Variants in UBAP2 observed in about 807,000 individuals in gnomAD.
The protein encoded by UBAP2 is ubiquitin-associated protein 2.
A neutral mutation model predicts 139.6 loss-of-function variants in UBAP2; 75 were observed. The ratio of observed to expected loss-of-function variants is 0.54; its 90% CI spans 0.45 to 0.65. The LOEUF (loss-of-function observed/expected upper bound fraction) is 0.65. Among genes scored for constraint, UBAP2 ranks in the 30% least tolerant of loss-of-function variants. The pLI is 0.00. For missense variants in UBAP2, 1,368 were observed against 1,369.6 expected, an observed-to-expected ratio of 1.00 and a Z score of 0.02; for synonymous variants, 526 against 526.2, an observed-to-expected ratio of 1.00 and a Z score of 0.01.
chr9:33,935,860 G>GACC lies in UBAP2; in HGVS notation c.1945_1947dup (p.Gly649dup). Reference sequence around the variant, plus strand: ...TTACTGTCTAGTGTCTGCTGACTTCGACCACCACCATGTCCATTCTATAAG... The same window carrying GACC: ...TTACTGTCTAGTGTCTGCTGACTTCGACCACCACCACCATGTCCATTCTATAAG... On this transcript the variant is annotated inframe_insertion, in exon 17 of 29. Transcript: ENST00000379238. 1 of 1,613,470 alleles carries GACC rather than the reference G, an allele frequency of 6.2e-7. No individual in the cohort carries two copies. Among genetic ancestry groups the GACC allele is most frequent in the Non-Finnish European group, 8.5e-7 (1 of 1,179,912 alleles).
intron 22 of UBAP2, 71 bp from the exon 23 acceptor site, chr9:33,924,355 TG>T (rs1404989054): frequency 1.4e-6 from 2 of 1,464,094 alleles, no homozygotes; most frequent in South Asian, 2.3e-5. Context: ...AACCAGCACA[TG>T]GAAGTGGTGA....
At chr9:33,997,904 A>G (rs1183654577) in intron 3 of UBAP2, 3 of 152,228 alleles carry the variant, frequency 2.0e-5, no homozygotes, top group East Asian at 1.9e-4. Flanking sequence ...AACAATTATT[A>G]GACGACATCT....
At chr9:33,988,693 T>C (rs866022448) in intron 5 of UBAP2, among the ~76,000 whole-genome samples, 11 of 152,220 alleles carry the variant, frequency 7.2e-5, no homozygotes, top group African/African-American at 2.4e-4. Flanking sequence ...CCCAGGTCAA[T>C]GCTGATACGA....
intron 10 of UBAP2, among the ~76,000 whole-genome samples, chr9:33,960,451 A>G (rs1826952559): frequency 6.6e-6 from 1 of 152,162 alleles, no homozygotes; most frequent in South Asian, 2.1e-4. Flanking sequence ...CTTTCTTCCA[A>G]GCACCAAAGT....
chr9:33,998,503 G>A (rs1197523919), intron 3 of UBAP2: 2 of 288,570 alleles, frequency 6.9e-6, no homozygotes, highest in African/African-American at 2.2e-5. Context: ...CACAGGTATC[G>A]GAAAACCTCA....
At chr9:34,031,952 C>G (rs1238607030) in intron 1 of UBAP2, among the ~76,000 whole-genome samples, 2 of 152,068 alleles carry the variant, frequency 1.3e-5, no homozygotes, top group Non-Finnish European at 2.9e-5. Flanking sequence ...GCCTGGGTAA[C>G]ATAGCAAGAC....
intron 8 of UBAP2, among the ~76,000 whole-genome samples, chr9:33,965,261 T>C (rs1205591571): frequency 6.6e-6 from 1 of 152,206 alleles, no homozygotes; most frequent in Non-Finnish European, 1.5e-5. Flanking sequence ...CTTCCATTTT[T>C]TCCCCCCATT....
intron 1 of UBAP2, among the ~76,000 whole-genome samples, chr9:34,040,846 A>G (rs1827007072): frequency 6.6e-6 from 1 of 152,242 alleles, no homozygotes; most frequent in South Asian, 2.1e-4. Context: ...GACAGATTTG[A>G]GAAAATAGTA....
Position 33,989,130 on chromosome 9 carries a change from T to C in UBAP2, c.289-4A>G, listed in dbSNP as rs1280427460. 5 of 1,603,876 alleles carry C rather than the reference T, an allele frequency of 3.1e-6. No individual in the cohort carries two copies. Among genetic ancestry groups the C allele is most frequent in the Non-Finnish European group, 2.5e-6 (3 of 1,177,096 alleles). ...ACCCTACAGTCTCCCATGAAGTCTA[T>C]CAGAGAGAACGGCTGTTAATCATTT... On this transcript the variant is annotated splice_region_variant and splice_polypyrimidine_tract_variant and intron_variant, in intron 4 of 28. Coordinates refer to ENST00000379238, the MANE Select transcript of UBAP2 (RefSeq NM_001370062.2).
chr9:33,930,412 GCTTAAATAAC>G (rs1013639992), intron 19 of UBAP2, among the ~76,000 whole-genome samples: 4 of 152,062 alleles, frequency 2.6e-5, no homozygotes, highest in African/African-American at 9.7e-5. Flanking sequence ...ATGGACGGCT[GCTTAAATAAC>G]CTTAAATAAC....
chr9:33,983,832 G>A (rs894543720), intron 6 of UBAP2, among the ~76,000 whole-genome samples: 9 of 152,164 alleles, frequency 5.9e-5, no homozygotes, highest in African/African-American at 1.9e-4. Context: ...TCAGCTTGTG[G>A]AAGACAGAAT....
intron 17 of UBAP2, 142 bp downstream of exon 17, chr9:33,935,697 G>A (rs751663636): frequency 2.2e-6 from 2 of 891,444 alleles, no homozygotes; most frequent in East Asian, 2.5e-5. Flanking sequence ...CCAACACCTG[G>A]TCCAAAAACA....
chr9:33,978,438 G>A (rs1230596312), intron 6 of UBAP2, among the ~76,000 whole-genome samples: 2 of 152,072 alleles, frequency 1.3e-5, no homozygotes, highest in Non-Finnish European at 2.9e-5. Flanking sequence ...CTTTGCACTT[G>A]TACTATATAG....
intron 1 of UBAP2, among the ~76,000 whole-genome samples, chr9:34,034,759 G>C (rs1587693779): frequency 6.6e-6 from 1 of 152,192 alleles, no homozygotes; most frequent in East Asian, 1.9e-4. Flanking sequence ...TATAGTCCCA[G>C]CTACTGGAGA....
In UBAP2 at chr9:33,922,563, G is replaced by C; in HGVS notation, c.3301C>G (p.Gln1101Glu). ...SGQRSQPSSLQPKSQASKPAY... is the reference protein window; with the variant it reads ...SGQRSQPSSLEPKSQASKPAY... ...GGTTTGGAGGCTTGAGACTTGGGCT[G>C]CAGGGAGCTGGGCTGGCTGCGCTGA... Residue 1101 changes from glutamine to glutamate, a missense_variant, in exon 29 of 29, where the codon CAG (glutamine) becomes GAG (glutamate). Coordinates refer to ENST00000379238, the MANE Select transcript of UBAP2 (RefSeq NM_001370062.2). 1 of 1,613,820 alleles carries C rather than the reference G, an allele frequency of 6.2e-7. No homozygotes were observed. Among genetic ancestry groups the C allele is most frequent in the Non-Finnish European group, 8.5e-7 (1 of 1,179,950 alleles).
chr9:34,010,427 T>TAAAAA (rs57695373), intron 2 of UBAP2, among the ~76,000 whole-genome samples: 19 of 108,264 alleles, frequency 1.8e-4, no homozygotes, highest in South Asian at 3.2e-4. Flanking sequence ...CTCTGCCTCA[T>TAAAAA]AAAAAAAAAA....
intron 1 of UBAP2, among the ~76,000 whole-genome samples, chr9:34,028,243 T>C (rs138777787): frequency 9.9e-4 from 150 of 152,192 alleles, no homozygotes; most frequent in African/African-American, 3.5e-3. Flanking sequence ...CAAAATTTAT[T>C]TGATATCGTC....
At chr9:34,030,742 T>C (rs1443514948) in intron 1 of UBAP2, among the ~76,000 whole-genome samples, 3 of 151,628 alleles carry the variant, frequency 2.0e-5, no homozygotes, top group African/African-American at 7.3e-5. Flanking sequence ...CTGACTAACA[T>C]GGTGAAACCC....
intron 19 of UBAP2, among the ~76,000 whole-genome samples, chr9:33,931,711 C>G (rs954213335): frequency 6.6e-6 from 1 of 152,146 alleles, no homozygotes; most frequent in African/African-American, 2.4e-5. Context: ...ACAGGATGTC[C>G]CTTTTCCACC....
Sources: allele counts gnomAD v4.1 joint callset (sites outside exome capture counted in the v4.1 genomes callset), GRCh38; gene constraint gnomAD v4.1.1; transcripts MANE v1.5; gene names NCBI Gene and HGNC (gene_info 2026-07-23, HGNC 2026-07-21).